SIGLEC12: variants seen among roughly 807,000 people sequenced by gnomAD.
The protein encoded by SIGLEC12 is sialic acid binding Ig like lectin 12, also known as sialic acid-binding Ig-like lectin 12.
In SIGLEC12, 43 loss-of-function variants were observed where a neutral mutation model predicts 54.1. The ratio of observed to expected loss-of-function variants is 0.80; its 90% CI spans 0.62 to 1.03. The LOEUF is 1.03. SIGLEC12 is among the 50% of genes least tolerant of loss of function. SIGLEC12 has a pLI of 0.00. For synonymous variants in SIGLEC12, 357 were observed against 307.6 expected (o/e 1.16, Z -1.68); for missense variants, 802 against 735.2 (o/e 1.09, Z -1.05).
chr19:51,491,930 C>G (rs1218557040), intron 7 of SIGLEC12, 101 bp from the exon 8 acceptor site: 1 of 868,024 alleles, frequency 1.2e-6, no homozygotes, highest in African/African-American at 1.7e-5. Context: ...CTCCATTCAT[C>G]CCATGTGCAC....
At chr19:51,498,360 G>A in intron 4 of SIGLEC12, 73 bp from the exon 5 acceptor site, 2 of 1,338,016 alleles carry the variant, frequency 1.5e-6, no homozygotes, top group South Asian at 2.8e-5. Flanking sequence ...CAGAAAGAGA[G>A]TGGTGAATGG....
In SIGLEC12 at chr19:51,499,281, C is replaced by T. The variant is rs10414259; in HGVS notation, c.1088-64G>A. The T allele has an allele frequency of 1.5e-4, 233 of 1,597,954 alleles. No homozygotes were observed. The African/African-American group carries it at 2.8e-3, about 19-fold the overall frequency. On this transcript the variant is annotated intron_variant, in intron 3 of 7. Coordinates refer to ENST00000291707, the MANE Select transcript of SIGLEC12 (RefSeq NM_053003.4). ...ACTGGGGACACTGACCCTGTCTCCC[C>T]AGGAGCCCCATAAATGGGGAAGGTG...
chr19:51,495,274 T>C (rs1176490629), intron 7 of SIGLEC12, among the ~76,000 whole-genome samples: 5 of 128,512 alleles, frequency 3.9e-5, no homozygotes, highest in African/African-American at 1.5e-4. Flanking sequence ...GATGGATGGA[T>C]GGATGGATGG....
At chr19:51,493,462 A>G (rs1990157364) in intron 7 of SIGLEC12, among the ~76,000 whole-genome samples, 1 of 152,188 alleles carries the variant, frequency 6.6e-6, no homozygotes, top group African/African-American at 2.4e-5. Context: ...TGCTGACTAT[A>G]GTCCTTGATC....
In SIGLEC12 at chr19:51,498,246, C is replaced by G. The variant is rs1295063487; in HGVS notation, c.1177G>C (p.Glu393Gln). 1.2e-6 allele frequency: 2 copies of G among 1,613,300 alleles called. No homozygotes were observed. The highest frequency in any genetic ancestry group is 1.7e-6 in the Non-Finnish European group (2 of 1,179,592). The change falls in exon 5 of 8, where the codon GAG becomes CAG. Residue 393 changes from glutamate (E) to glutamine (Q), a missense_variant. Physicochemically the swap from Glu to Gln is conservative, Grantham distance 29 (BLOSUM62 2). Transcript: ENST00000291707. ...CAGACAAGGTGCAGGGACTGGCCCT[C>G]CAGGACTGAAAGGGCCGAGCCATTC... ...LRNGSALSVL[E>Q]GQSLHLVCAV...
At chr19:51,494,101 T>G (rs1024719391) in intron 7 of SIGLEC12, among the ~76,000 whole-genome samples, 1 of 152,202 alleles carries the variant, frequency 6.6e-6, no homozygotes, top group African/African-American at 2.4e-5. Context: ...TGGAGTGCTC[T>G]TCAATCTCAC....
At chr19:51,494,105 A>G (rs1227745694) in intron 7 of SIGLEC12, among the ~76,000 whole-genome samples, 1 of 152,116 alleles carries the variant, frequency 6.6e-6, no homozygotes, top group East Asian at 1.9e-4. Flanking sequence ...GTGCTCTTCA[A>G]TCTCACAGTC....
rs980650227 is a variant in SIGLEC12 at position 51,501,549 on chromosome 19, T to C, written c.185A>G (p.Tyr62Cys). 3 of 1,613,436 alleles carry C rather than the reference T, an allele frequency of 1.9e-6. No individual in the cohort carries two copies. The highest frequency in any genetic ancestry group is 2.7e-5 in the African/African-American group (2 of 74,752). Residue 62 changes from tyrosine to cysteine, a missense_variant, in exon 1 of 8, where the codon TAC becomes TGC. Coordinates refer to ENST00000291707, the MANE Select transcript of SIGLEC12 (RefSeq NM_053003.4). The part of the protein sequence containing the change: ...GWTASDPVHG[Y>C]WFRAGDHVSR... The stretch of plus-strand genomic sequence containing the variant: ...TACATGGTCCCCTGCCCGGAACCAG[T>C]AGCCATGAACTGGATCGGAGGCAGT...
chr19:51,491,809 C>A lies in SIGLEC12; in HGVS notation c.1620G>T (p.Pro540=). ...CATGGTGTGGGGGGCTGTCATCTGC[C>A]GGGGATTCAATCAGGGGTCCCTGAA... is the stretch of plus-strand genomic sequence containing the variant. The part of the protein sequence containing the change: ...SASQGPLIES[P]ADDSPPHHAP... The change falls in exon 8 of 8, where the codon CCG becomes CCT. Residue 540 remains proline (P), a synonymous_variant. Coordinates refer to ENST00000291707, the MANE Select transcript of SIGLEC12 (RefSeq NM_053003.4). 1 of 1,576,786 alleles carries A rather than the reference C, an allele frequency of 6.3e-7. No homozygotes were observed. The highest frequency in any genetic ancestry group is 2.3e-5 in the East Asian group (1 of 44,374).
In SIGLEC12 at chr19:51,501,449, G is replaced by A. The variant is rs773612576; in HGVS notation, c.285C>T (p.Leu95=). 2 of 1,614,100 alleles carry A rather than the reference G, an allele frequency of 1.2e-6. No homozygotes were observed. Among genetic ancestry groups the A allele is most frequent in the Non-Finnish European group, 8.5e-7 (1 of 1,180,052 alleles). Residue 95 remains leucine, a synonymous_variant, in exon 1 of 8, where the codon CTC becomes CTT. Transcript: ENST00000291707. Reference sequence around the variant, plus strand: ...AATCCTTGTTCTGTGGGTCCCCAAGGAGGTGGAATCGGTCCCGAGTCTCCT... The same window carrying A: ...AATCCTTGTTCTGTGGGTCCCCAAGAAGGTGGAATCGGTCCCGAGTCTCCT... The part of the protein sequence containing the change: ...VQEETRDRFH[L]LGDPQNKDCT...
chr19:51,496,833 C>G lies in SIGLEC12; in HGVS notation c.1599+47G>C, dbSNP rs371149729. 8.1e-5 allele frequency: 129 copies of G among 1,601,362 alleles called. 1 individual carries two copies. In the African/African-American group the frequency reaches 1.6e-3, roughly 20 times the overall value. On this transcript the variant is annotated intron_variant, in intron 7 of 7. Coordinates refer to ENST00000291707, the MANE Select transcript of SIGLEC12 (RefSeq NM_053003.4). Reference sequence around the variant, plus strand: ...GGAAGTAATCCCCTTCCATGCCTGGCCTGGGAGAAAGCAGGGGAGAAGGGC... The same window carrying G: ...GGAAGTAATCCCCTTCCATGCCTGGGCTGGGAGAAAGCAGGGGAGAAGGGC...
Position 51,491,643 on chromosome 19 carries a change from A to T in SIGLEC12, c.1786T>A (p.Ter596ArgextTer22). The change falls in exon 8 of 8, where the codon TGA becomes AGA. Residue 596 changes from the stop codon to arginine, a stop_lost. Transcript: ENST00000291707. Reference protein sequence around the residue: ...YEYSEINIPK* With the variant: ...YEYSEINIPKR ...CAGGCCTGAGTCTCTGCAGTTTCTCACTTGGGGATGTTGATCTCGGAGTAC... is the reference window on the plus strand; with the variant it reads ...CAGGCCTGAGTCTCTGCAGTTTCTCTCTTGGGGATGTTGATCTCGGAGTAC... The T allele has an allele frequency of 6.2e-7, 1 of 1,613,862 alleles. No homozygotes were observed. The highest frequency in any genetic ancestry group is 8.5e-7 in the Non-Finnish European group (1 of 1,179,964).
intron 7 of SIGLEC12, among the ~76,000 whole-genome samples, chr19:51,495,201 ACGGACGGGTGGGTGGG>A (rs1990195428): frequency 1.7e-5 from 2 of 118,418 alleles, no homozygotes; most frequent in Non-Finnish European, 1.8e-5. Flanking sequence ...GGATGGATGG[ACGGACGGGTGGGTGGG>A]TGGATGGATG....
chr19:51,496,256 G>A (rs1480232288), intron 7 of SIGLEC12, among the ~76,000 whole-genome samples: 1 of 152,212 alleles, frequency 6.6e-6, no homozygotes, highest in Non-Finnish European at 1.5e-5. Flanking sequence ...ATCACCTGAG[G>A]TTGGGAGTTT....
At chr19:51,495,254 T>C (rs865919367) in intron 7 of SIGLEC12, among the ~76,000 whole-genome samples, 3,859 of 105,660 alleles carry the variant, frequency 0.037, 235 homozygotes, top group Middle Eastern at 0.062. Flanking sequence ...GATGGACGGG[T>C]GGGTGGGTGG....
rs1215861981 is a variant in SIGLEC12 at position 51,491,552 on chromosome 19, G to A, written c.*89C>T. Reference sequence around the variant, plus strand: ...TTCTGATGTCCTGTTGCACAGCATGGAGGGCTGTTAATTCTAAAGGAATCA... The same window carrying A: ...TTCTGATGTCCTGTTGCACAGCATGAAGGGCTGTTAATTCTAAAGGAATCA... On this transcript the variant is annotated 3_prime_UTR_variant, in exon 8 of 8. Transcript: ENST00000291707. 7.1e-6 allele frequency: 9 copies of A among 1,262,326 alleles called. No homozygotes were observed. Among genetic ancestry groups the A allele is most frequent in the Non-Finnish European group, 1.0e-5 (9 of 873,088 alleles). The allele number at this position is 1,262,326 out of a possible 1,614,324, so 78.2% of individuals were successfully genotyped here.
At position 51,500,076 on chromosome 19, in the gene SIGLEC12, C is replaced by T. The variant is rs1480549774; in HGVS notation, c.652G>A (p.Gly218Ser). The change falls in exon 2 of 8, where the codon GGT becomes AGT. Residue 218 changes from glycine (G) to serine (S), a missense_variant. Coordinates refer to ENST00000291707, the MANE Select transcript of SIGLEC12 (RefSeq NM_053003.4). The part of the protein sequence containing the change: ...PSGKVQEDTH[G>S]RFLLLGDPQT... Reference sequence around the variant, plus strand: ...GGGTCCCCAAGGAGGAGGAATCGACCGTGGGTATCCTCTTGCACTTTTCCA... The same window carrying T: ...GGGTCCCCAAGGAGGAGGAATCGACTGTGGGTATCCTCTTGCACTTTTCCA... 4 of 1,613,978 alleles carry T rather than the reference C, an allele frequency of 2.5e-6. No homozygotes were observed. The African/African-American group carries it at 5.3e-5, about 22-fold the overall frequency.
intron 7 of SIGLEC12, among the ~76,000 whole-genome samples, chr19:51,493,989 G>C (rs938079774): frequency 1.3e-5 from 2 of 152,240 alleles, no homozygotes; most frequent in African/African-American, 4.8e-5. Flanking sequence ...GTCATTTCCT[G>C]TTCTTGGCCT....
At position 51,499,923 on chromosome 19, in the gene SIGLEC12, T is replaced by C. The variant is rs758544057; in HGVS notation, c.805A>G (p.Thr269Ala). Residue 269 changes from threonine to alanine, a missense_variant, in exon 2 of 8, where the codon ACA becomes GCA. Transcript: ENST00000291707. ...GGTCCTAGAGCCAGAGATTTACCTG[T>C]CACATGCACAGAGAGCTTGTCATAT... ...YIYDKLSVHV[T>A]ALTHMPTFSI... is the part of the protein sequence containing the mutation. The C allele has an allele frequency of 5.6e-6, 9 of 1,606,700 alleles. No homozygotes were observed. In the South Asian group the frequency reaches 8.9e-5, roughly 16 times the overall value.
Sources: allele counts gnomAD v4.1 joint callset (sites outside exome capture counted in the v4.1 genomes callset), GRCh38; gene constraint gnomAD v4.1.1; transcripts MANE v1.5; gene names NCBI Gene and HGNC (gene_info 2026-07-23, HGNC 2026-07-21).